NFIA: variants seen among roughly 807,000 people sequenced by gnomAD.
NFIA encodes the protein nuclear factor 1 A-type.
In NFIA, 8 loss-of-function variants were observed where a neutral mutation model predicts 62.8. The observed-to-expected ratio is 0.13, with a 90% CI of 0.07 to 0.23. The LOEUF is 0.23. NFIA is among the 10% of genes least tolerant of loss of function. The pLI, the probability that NFIA is intolerant of heterozygous loss-of-function variation, is 1.00. For missense variants in NFIA, 410 were observed against 642.1 expected (o/e 0.64, Z 3.91); for synonymous variants, 235 against 238.1 (o/e 0.99, Z 0.12).
chr1:61,354,082 C>G (rs1006396996), intron 5 of NFIA, among the ~76,000 whole-genome samples: 1 of 152,152 alleles, frequency 6.6e-6, no homozygotes, highest in Non-Finnish European at 1.5e-5. Context: ...GTGTTTCCCC[C>G]TTTTTATGTT....
Position 61,334,535 on chromosome 1 carries a change from A to ATGTGTGTGTGTGTGTGTG in NFIA, c.700+1953_700+1970dup, listed in dbSNP as rs35661377. ...GGGGAGTATTTGTGTGTGTGTATATATGTGTGTGTGTGTGTGTGTGTATAT... is the reference window on the plus strand; with the variant it reads ...GGGGAGTATTTGTGTGTGTGTATATATGTGTGTGTGTGTGTGTGTGTGTGTGTGTGTGTGTGTGTATAT... On this transcript the variant is annotated intron_variant, in intron 4 of 10. Coordinates refer to ENST00000403491, the MANE Select transcript of NFIA (RefSeq NM_001134673.4). Among the ~76,000 whole-genome samples the ATGTGTGTGTGTGTGTGTG allele has an allele frequency of 9.7e-3, 565 of 58,394 alleles. 47 individuals are homozygous for ATGTGTGTGTGTGTGTGTG. The highest frequency in any genetic ancestry group is 0.049 in the African/African-American group (417 of 8,568). 38.3% of individuals were successfully genotyped at this position (58,394 alleles called of 152,430 possible). A position where few individuals can be genotyped will look rare whatever the true frequency, so the allele number is the denominator to read the frequency against.
chr1:61,205,573 C>T (rs1652838670), intron 2 of NFIA, among the ~76,000 whole-genome samples: 1 of 152,044 alleles, frequency 6.6e-6, no homozygotes, highest in African/African-American at 2.4e-5. Flanking sequence ...GCAATCAGAC[C>T]TTGGCGATGA....
At chr1:61,105,007 A>G (rs968347691) in intron 2 of NFIA, among the ~76,000 whole-genome samples, 2 of 151,978 alleles carry the variant, frequency 1.3e-5, no homozygotes, top group African/African-American at 4.8e-5. Context: ...TGCAGAGAAA[A>G]TAGTGTACCA....
chr1:61,154,867 A>G (rs1203130733), intron 2 of NFIA, among the ~76,000 whole-genome samples: 1 of 152,238 alleles, frequency 6.6e-6, no homozygotes, highest in Admixed American at 6.5e-5. Flanking sequence ...CACATCACAC[A>G]AAAATAAAGG....
intron 2 of NFIA, among the ~76,000 whole-genome samples, chr1:61,265,951 T>C (rs1657133861): frequency 6.6e-6 from 1 of 152,252 alleles, no homozygotes; most frequent in Non-Finnish European, 1.5e-5. Flanking sequence ...TATTTCTAAT[T>C]GCACTTATGA....
chr1:61,334,601 A>G (rs1427567568), intron 4 of NFIA, among the ~76,000 whole-genome samples: 15 of 105,862 alleles, frequency 1.4e-4, no homozygotes, highest in South Asian at 3.3e-4. Context: ...ATATATATAT[A>G]TATATATATA....
At chr1:61,137,041 AAT>A (rs1159652848) in intron 2 of NFIA, among the ~76,000 whole-genome samples, 1 of 152,186 alleles carries the variant, frequency 6.6e-6, no homozygotes, top group Non-Finnish European at 1.5e-5. Flanking sequence ...CTGTCCTATA[AAT>A]ATGTGAGAAT....
chr1:61,428,472 A>G (rs2100556824), intron 10 of NFIA, among the ~76,000 whole-genome samples: 1 of 151,304 alleles, frequency 6.6e-6, no homozygotes, highest in Middle Eastern at 3.4e-3. Context: ...CACCTGCCAC[A>G]TTTGGCTTGA....
At chr1:61,417,922 G>T (rs1666429295) in intron 9 of NFIA, among the ~76,000 whole-genome samples, 1 of 152,114 alleles carries the variant, frequency 6.6e-6, no homozygotes. Context: ...TTAGTTAAAG[G>T]GCTGGGAGAT....
intron 3 of NFIA, among the ~76,000 whole-genome samples, chr1:61,279,820 T>G (rs1658026549): frequency 6.6e-6 from 1 of 152,096 alleles, no homozygotes; most frequent in Admixed American, 6.6e-5. Flanking sequence ...TGTTTCCCAT[T>G]CCAGAAAGCA....
At chr1:61,152,556 T>C (rs551577023) in intron 2 of NFIA, among the ~76,000 whole-genome samples, 1 of 152,360 alleles carries the variant, frequency 6.6e-6, no homozygotes, top group East Asian at 1.9e-4. Context: ...TCAGTATTTC[T>C]ATTATAAATT....
chr1:61,233,988 C>A (rs376623480), intron 2 of NFIA, among the ~76,000 whole-genome samples: 7 of 152,254 alleles, frequency 4.6e-5, no homozygotes, highest in Admixed American at 6.5e-5. Context: ...GATCCTTGAC[C>A]TCTTAACTGT....
At chr1:61,114,648 T>G (rs1228777943) in intron 2 of NFIA, among the ~76,000 whole-genome samples, 1 of 152,214 alleles carries the variant, frequency 6.6e-6, no homozygotes, top group African/African-American at 2.4e-5. Flanking sequence ...CATTGGAAGC[T>G]GAGGTCATGT....
chr1:61,234,603 C>T (rs1654880984), intron 2 of NFIA, among the ~76,000 whole-genome samples: 1 of 152,086 alleles, frequency 6.6e-6, no homozygotes, highest in African/African-American at 2.4e-5. Context: ...AAAGTAGTCC[C>T]TCAGAGAGGC....
At chr1:61,309,883 C>T (rs1660005819) in intron 3 of NFIA, among the ~76,000 whole-genome samples, 1 of 152,108 alleles carries the variant, frequency 6.6e-6, no homozygotes, top group Admixed American at 6.6e-5. Context: ...AGTGAAACGC[C>T]GTCTCCAGAA....
At chr1:61,132,361 A>T (rs1007103981) in intron 2 of NFIA, among the ~76,000 whole-genome samples, 1 of 152,218 alleles carries the variant, frequency 6.6e-6, no homozygotes, top group South Asian at 2.1e-4. Flanking sequence ...GACTTCCACC[A>T]TCAGTTTCAG....
At chr1:61,391,400 G>A (rs1057320986) in intron 7 of NFIA, among the ~76,000 whole-genome samples, 11 of 148,714 alleles carry the variant, frequency 7.4e-5, no homozygotes, top group Non-Finnish European at 1.3e-4. Context: ...TACAAAATGC[G>A]AACACAAGGT....
At chr1:61,396,907 C>T (rs1665305247) in intron 7 of NFIA, among the ~76,000 whole-genome samples, 1 of 151,948 alleles carries the variant, frequency 6.6e-6, no homozygotes, top group Admixed American at 6.6e-5. Context: ...GAGGCTAAGG[C>T]AGGAGAATTG....
chr1:61,242,163 G>A (rs954318015), intron 2 of NFIA, among the ~76,000 whole-genome samples: 2 of 152,158 alleles, frequency 1.3e-5, no homozygotes, highest in Non-Finnish European at 2.9e-5. Flanking sequence ...TGCTGTTAGT[G>A]CTGATTAGAA....
Sources: allele counts gnomAD v4.1 joint callset (sites outside exome capture counted in the v4.1 genomes callset), GRCh38; gene constraint gnomAD v4.1.1; transcripts MANE v1.5; gene names NCBI Gene and HGNC (gene_info 2026-07-23, HGNC 2026-07-21).